Variants in CARS2 observed in about 807,000 individuals in gnomAD.
The protein encoded by CARS2 is probable cysteine--tRNA ligase, mitochondrial.
A neutral mutation model predicts 68.8 loss-of-function variants in CARS2; 52 were observed. The observed-to-expected ratio is 0.76, with a 90% CI of 0.61 to 0.95. The LOEUF is 0.95. Among genes scored for constraint, CARS2 ranks in the 40% least tolerant of loss-of-function variants. The probability of loss-of-function intolerance (pLI) is 0.00; values close to 1 mark genes in which losing one functional copy is unlikely to be tolerated. For synonymous variants in CARS2, 314 were observed against 303.6 expected (o/e 1.03, Z -0.36); for missense variants, 780 against 754.2 (o/e 1.03, Z -0.40).
chr13:110,686,189 G>A (rs76216182), intron 5 of CARS2, among the ~76,000 whole-genome samples: 2 of 151,430 alleles, frequency 1.3e-5, no homozygotes, highest in East Asian at 3.9e-4. Flanking sequence ...CTTTTATGCA[G>A]AGATGCATGT....
At position 110,712,892 on chromosome 13, in the gene CARS2, G is replaced by C. The variant is rs371787190; in HGVS notation, n.399+245C>G. 1.8e-5 allele frequency: 27 copies of C among 1,463,876 alleles called. No homozygotes were observed. The East Asian group carries it at 2.2e-4, about 12-fold the overall frequency. The allele number at this position is 1,463,876 out of a possible 1,614,324, so 90.7% of individuals were successfully genotyped here. A position where few individuals can be genotyped will look rare whatever the true frequency, so the allele number is the denominator to read the frequency against. On this transcript the variant is annotated intron_variant and non_coding_transcript_variant, in intron 1 of 2. Coordinates refer to the CARS2 transcript ENST00000485188. The stretch of plus-strand genomic sequence containing the variant: ...AGCCGTTCCAAACTGAGTACCGGGA[G>C]ACGACACAAAGGGAGGGCGGTGACG...
rs1212397461 is a variant in CARS2 at position 110,651,117 on chromosome 13, C to T, written c.988-17G>A. 1.3e-6 allele frequency: 2 copies of T among 1,599,412 alleles called. No homozygotes were observed. The highest frequency in any genetic ancestry group is 1.7e-5 in the Admixed American group (1 of 59,904). ...CAGAAAGTCCTGGTAAAGCGAGAGA[C>T]AGGCAGTCACGAGGCTTTGCTTTTA... On this transcript the variant is annotated splice_polypyrimidine_tract_variant and intron_variant, in intron 9 of 14. Transcript: ENST00000257347.
intron 3 of CARS2, among the ~76,000 whole-genome samples, chr13:110,690,383 C>G (rs1052852487): frequency 1.3e-5 from 2 of 152,196 alleles, no homozygotes; most frequent in Non-Finnish European, 2.9e-5. Flanking sequence ...AGTTTTCCCA[C>G]AAGCATGAAC....
intron 3 of CARS2, among the ~76,000 whole-genome samples, chr13:110,693,594 C>T (rs763905492): frequency 5.3e-5 from 8 of 152,080 alleles, no homozygotes; most frequent in South Asian, 2.1e-4. Flanking sequence ...CTCCTGACCT[C>T]GTGATCCACC....
chr13:110,644,574 C>T (rs1887837937), intron 12 of CARS2, 91 bp from the exon 13 acceptor site: 4 of 1,557,510 alleles, frequency 2.6e-6, no homozygotes, highest in Non-Finnish European at 3.5e-6. Flanking sequence ...AAGGCTTCAG[C>T]AGGTCACTTC....
intron 9 of CARS2, 43 bp downstream of exon 9, chr13:110,663,408 A>T (rs1384405834): frequency 6.3e-7 from 1 of 1,586,488 alleles, no homozygotes; most frequent in Admixed American, 1.8e-5. Context: ...TGGGTTCCAC[A>T]AGCTATCGGC....
chr13:110,664,734 G>T, intron 8 of CARS2: 2 of 746,038 alleles, frequency 2.7e-6, no homozygotes, highest in Non-Finnish European at 3.3e-6. Flanking sequence ...GCCCTCAGGT[G>T]ACGGTAACTG....
upstream of CARS2, chr13:110,706,131 G>A (rs767437021): frequency 1.6e-6 from 2 of 1,275,844 alleles, no homozygotes; most frequent in Admixed American, 4.2e-5. Flanking sequence ...GGAGACGGGA[G>A]CCACGCCGGG....
Position 110,676,512 on chromosome 13 carries a change from G to A in CARS2, c.785+462C>T, listed in dbSNP as rs1270043604. Among the ~76,000 whole-genome samples, 4 of 152,144 alleles carry A rather than the reference G, an allele frequency of 2.6e-5. No individual in the cohort carries two copies. Among genetic ancestry groups the A allele is most frequent in the Non-Finnish European group, 5.9e-5 (4 of 68,014 alleles). ...CAGAGGACCCACATGAGGGTGGCTG[G>A]GGGACTCCAGGAAGATCTGGGAGGA... On this transcript the variant is annotated intron_variant, in intron 7 of 14. Coordinates refer to ENST00000257347, the MANE Select transcript of CARS2 (RefSeq NM_024537.4). This position sits in a 1 kb window ranked among gnomAD's most constrained non-coding sequence, Gnocchi z 4.0.
chr13:110,700,327 G>A, intron 3 of CARS2, among the ~76,000 whole-genome samples: 1 of 152,214 alleles, frequency 6.6e-6, no homozygotes, highest in African/African-American at 2.4e-5. Context: ...GACAACACCT[G>A]GGGTTGACGT....
upstream of CARS2, chr13:110,707,646 GA>G (rs34177176): frequency 0.63 from 92,098 of 145,618 alleles, 30,423 homozygotes; most frequent in South Asian, 0.77. Flanking sequence ...GACTCCGCCT[GA>G]AAAAAAAAAA....
chr13:110,681,639 C>T lies in CARS2; in HGVS notation c.655+1412G>A, dbSNP rs76184425. On this transcript the variant is annotated intron_variant, in intron 6 of 14. Transcript: ENST00000257347. ...AAAACCTGCACGTGGATGTTTACAG[C>T]AGCTTTATTCATAATTGCCAAAACT... 4.3e-3 allele frequency among the ~76,000 whole-genome samples: 651 copies of T among 152,294 alleles called. 4 individuals carry two copies. Among genetic ancestry groups the T allele is most frequent in the Non-Finnish European group, 6.7e-3 (457 of 68,018 alleles).
At chr13:110,663,344 A>C (rs893351670) in intron 9 of CARS2, 107 bp downstream of exon 9, 1 of 1,118,582 alleles carries the variant, frequency 8.9e-7, no homozygotes, top group African/African-American at 1.6e-5. Context: ...AAGGGGCCAG[A>C]GGGCACTGGG....
At chr13:110,703,929 C>G (rs1566361479) in intron 2 of CARS2, among the ~76,000 whole-genome samples, 2 of 152,212 alleles carry the variant, frequency 1.3e-5, no homozygotes. Flanking sequence ...CTGGGAGTGA[C>G]AAAGTCATGG....
At chr13:110,647,564 G>GC (rs548655306) in intron 10 of CARS2, among the ~76,000 whole-genome samples, 73 of 152,042 alleles carry the variant, frequency 4.8e-4, no homozygotes, top group African/African-American at 1.7e-3. Context: ...AAGGAGCCCC[G>GC]CCCTGGATGG....
In CARS2 at chr13:110,651,074, A is replaced by G. The variant is rs758020251; in HGVS notation, c.1014T>C (p.Asp338=). Residue 338 remains aspartate, a synonymous_variant, in exon 10 of 15, where the codon GAT becomes GAC. Transcript: ENST00000257347. ...IKDFLKTFSP[D]VFRFFCLRSS... is the part of the protein sequence containing the mutation. ...TCCGCAGGCAGAAGAACCGGAAGAC[A>G]TCGGGGGAAAAGGTCTTCAGAAAGT... 14 of 1,613,618 alleles carry G rather than the reference A, an allele frequency of 8.7e-6. No homozygotes were observed. The South Asian group carries it at 1.3e-4, about 15-fold the overall frequency.
chr13:110,679,060 G>T (rs984074701), intron 6 of CARS2, among the ~76,000 whole-genome samples: 1 of 24,066 alleles, frequency 4.2e-5, no homozygotes, highest in Non-Finnish European at 1.0e-4. Flanking sequence ...AGACAGAGGG[G>T]TTAATGAAAC....
At chr13:110,698,445 G>A (rs2063687196) in intron 3 of CARS2, among the ~76,000 whole-genome samples, 5 of 151,748 alleles carry the variant, frequency 3.3e-5, no homozygotes, top group Admixed American at 1.3e-4. Flanking sequence ...GCCTGACCCC[G>A]GGATGTGGAG....
chr13:110,665,523 A>G lies in CARS2; in HGVS notation c.919+1817T>C, dbSNP rs569767702. The G allele has an allele frequency of 5.1e-6, 5 of 985,414 alleles. No individual in the cohort carries two copies. In the African/African-American group the frequency reaches 7.0e-5, roughly 14 times the overall value. The allele number at this position is 985,414 out of a possible 1,614,324, so 61.0% of individuals were successfully genotyped here. On this transcript the variant is annotated intron_variant, in intron 8 of 14. Transcript: ENST00000257347. The surrounding 1 kb of genome is among the most constrained non-coding windows in gnomAD (Gnocchi z 4.3). The stretch of plus-strand genomic sequence containing the variant: ...CCGTTTCTAGACCCGGCCCCTCCTC[A>G]TTACCTGACAGGACGAAGCGTTGGC...
Sources: gnomAD v4.1 joint callset for allele counts (sites outside exome capture counted in the v4.1 genomes callset) on GRCh38, gnomAD v4.1.1 for gene constraint, Gnocchi (gnomAD v3.1) non-coding constraint, MANE v1.5 for transcripts, NCBI Gene and HGNC (gene_info 2026-07-23, HGNC 2026-07-21) for gene names.